Variants in ARHGEF6 observed in about 807,000 individuals in gnomAD.
ARHGEF6 encodes the protein Rac/Cdc42 guanine nucleotide exchange factor 6.
In ARHGEF6, 9 loss-of-function variants were observed where a neutral mutation model predicts 70.3. That is an observed-to-expected ratio of 0.13 (90% CI 0.08 to 0.22). The LOEUF is 0.22. Among genes scored for constraint, ARHGEF6 ranks in the 10% least tolerant of loss-of-function variants. The pLI, the probability that ARHGEF6 is intolerant of heterozygous loss-of-function variation, is 1.00. For synonymous variants in ARHGEF6, 201 were observed against 207.8 expected (o/e 0.97, Z 0.28); for missense variants, 470 against 563.0 (o/e 0.83, Z 1.67).
chrX:136,768,298 A>G, intron 2 of ARHGEF6: 1 of 112,818 alleles, frequency 8.9e-6, no homozygotes, highest in Middle Eastern at 4.6e-3. Flanking sequence ...TTTTACAGAA[A>G]TACGATGCAA....
chrX:136,716,808 T>C (rs1309591025), intron 6 of ARHGEF6, among the ~76,000 whole-genome samples: 3 of 112,197 alleles, frequency 2.7e-5, no homozygotes, highest in African/African-American at 9.7e-5. Context: ...TTAAAAACAC[T>C]GTAACAGAAA....
At chrX:136,687,231 C>G (rs1473702448) in intron 11 of ARHGEF6, among the ~76,000 whole-genome samples, 1 of 111,824 alleles carries the variant, frequency 8.9e-6, no homozygotes, top group Admixed American at 9.5e-5. Context: ...ACTACAGACA[C>G]GTCAATTACT....
Position 136,675,099 on chromosome X carries a change from G to A in ARHGEF6, c.1946-3C>T, listed in dbSNP as rs755657383. The A allele has an allele frequency of 1.2e-5, 14 of 1,202,248 alleles. No individual in the cohort carries two copies. Among genetic ancestry groups the A allele is most frequent in the South Asian group, 1.8e-5 (1 of 56,554 alleles). On this transcript the variant is annotated splice_polypyrimidine_tract_variant and splice_region_variant and intron_variant, in intron 18 of 21. Coordinates refer to ENST00000250617, the MANE Select transcript of ARHGEF6 (RefSeq NM_004840.3). The stretch of plus-strand genomic sequence containing the variant: ...ATCCTCTTCCAGAGCAGCTGTACCT[G>A]TGAAATTTAATTCATCATGACTTTT...
chrX:136,677,574 T>C, intron 17 of ARHGEF6, among the ~76,000 whole-genome samples: 1 of 111,719 alleles, frequency 9.0e-6, no homozygotes. Context: ...ATATTAATTA[T>C]TAATAGTACC....
intron 2 of ARHGEF6, among the ~76,000 whole-genome samples, chrX:136,760,534 C>T (rs142992086): frequency 2.0e-3 from 231 of 112,753 alleles, no homozygotes; most frequent in African/African-American, 7.3e-3. Flanking sequence ...AGATAATTTA[C>T]ATCTCCAGTC....
chrX:136,747,366 A>T, intron 3 of ARHGEF6, 142 bp downstream of exon 3: 1 of 520,356 alleles, frequency 1.9e-6, no homozygotes, highest in Non-Finnish European at 3.4e-6. Flanking sequence ...AGCATTTGAC[A>T]TTTGTTGGGG....
At position 136,685,829 on chromosome X, in the gene ARHGEF6, G is replaced by A. The variant is rs371417746; in HGVS notation, c.1246-6C>T. On this transcript the variant is annotated splice_region_variant and splice_polypyrimidine_tract_variant and intron_variant, in intron 11 of 21. Coordinates refer to ENST00000250617, the MANE Select transcript of ARHGEF6 (RefSeq NM_004840.3). ...CTCAGATCTTGACATTGCCCCTACAGAACCAAAGCAGAACATAATGGAATA... is the reference window on the plus strand; with the variant it reads ...CTCAGATCTTGACATTGCCCCTACAAAACCAAAGCAGAACATAATGGAATA... 2.4e-5 allele frequency: 29 copies of A among 1,207,507 alleles called. No individual in the cohort carries two copies. In the African/African-American group the frequency reaches 4.2e-4, roughly 18 times the overall value.
intron 5 of ARHGEF6, among the ~76,000 whole-genome samples, chrX:136,739,731 T>C (rs1233570385): frequency 9.0e-6 from 1 of 111,420 alleles, no homozygotes; most frequent in African/African-American, 3.3e-5. Flanking sequence ...TCCTGTGAAG[T>C]AGGCAAGTGA....
chrX:136,732,612 T>C (rs1022749264), intron 5 of ARHGEF6, among the ~76,000 whole-genome samples: 5 of 112,491 alleles, frequency 4.4e-5, no homozygotes, highest in Non-Finnish European at 9.4e-5. Context: ...TCATACTTTA[T>C]TTTGATATTT....
At chrX:136,725,571 T>C (rs1191160924) in intron 6 of ARHGEF6, among the ~76,000 whole-genome samples, 2 of 111,386 alleles carry the variant, frequency 1.8e-5, no homozygotes, top group Non-Finnish European at 1.9e-5. Flanking sequence ...GGGCATCTAA[T>C]GTAAAAGGAT....
Position 136,738,800 on chromosome X carries a change from T to C in ARHGEF6, c.661+4785A>G, listed in dbSNP as rs1297376904. Reference sequence around the variant, plus strand: ...TGGACCTCTAGACTTGGTATTGTTCTCATCTGTTCCCTTATCCTCAAAACT... The same window carrying C: ...TGGACCTCTAGACTTGGTATTGTTCCCATCTGTTCCCTTATCCTCAAAACT... On this transcript the variant is annotated intron_variant, in intron 5 of 21. Coordinates refer to ENST00000250617, the MANE Select transcript of ARHGEF6 (RefSeq NM_004840.3). Among the ~76,000 whole-genome samples the C allele has an allele frequency of 7.1e-5, 8 of 112,476 alleles. No individual in the cohort carries two copies. The Admixed American group carries it at 7.5e-4, about 11-fold the overall frequency.
chrX:136,723,571 C>A (rs1283074099), intron 6 of ARHGEF6, among the ~76,000 whole-genome samples: 1 of 111,847 alleles, frequency 8.9e-6, no homozygotes, highest in Non-Finnish European at 1.9e-5. Flanking sequence ...TTCAACAGTA[C>A]TATATTTTAT....
chrX:136,711,557 T>C (rs1289357829), intron 7 of ARHGEF6, among the ~76,000 whole-genome samples: 3 of 111,595 alleles, frequency 2.7e-5, no homozygotes, highest in Admixed American at 9.5e-5. Flanking sequence ...CTTTGTTTTT[T>C]GTTTTGTTTT....
chrX:136,675,598 C>T (rs758643912), intron 18 of ARHGEF6, among the ~76,000 whole-genome samples: 1 of 110,382 alleles, frequency 9.1e-6, no homozygotes, highest in African/African-American at 3.3e-5. Context: ...TCACTGCAAG[C>T]TCCGCCTCCC....
chrX:136,775,030 T>C (rs1157755208), intron 2 of ARHGEF6, among the ~76,000 whole-genome samples: 2 of 111,800 alleles, frequency 1.8e-5, no homozygotes, highest in Non-Finnish European at 3.8e-5. Context: ...ATATCTACCA[T>C]GCAGAGAATA....
At chrX:136,727,966 C>T in intron 6 of ARHGEF6, among the ~76,000 whole-genome samples, 1 of 111,422 alleles carries the variant, frequency 9.0e-6, no homozygotes, top group South Asian at 3.8e-4. Flanking sequence ...TCATGTTTGA[C>T]CTGCCCTCCC....
chrX:136,727,323 C>CTT (rs541833198), intron 6 of ARHGEF6, among the ~76,000 whole-genome samples: 1 of 75,657 alleles, frequency 1.3e-5, no homozygotes, highest in Non-Finnish European at 2.4e-5. Flanking sequence ...TTCTTTCTTT[C>CTT]TTTTTCTTTC....
intron 2 of ARHGEF6, among the ~76,000 whole-genome samples, chrX:136,766,268 A>G (rs1176027261): frequency 9.4e-6 from 1 of 105,873 alleles, no homozygotes; most frequent in Non-Finnish European, 1.9e-5. Flanking sequence ...CAAGGACACT[A>G]TGAGTTTTCC....
rs1228890268 is a variant in ARHGEF6 at position 136,690,676 on chromosome X, G to C, written c.1119C>G (p.Leu373=). Residue 373 remains leucine, a synonymous_variant, in exon 10 of 22, where the codon CTC becomes CTG. Coordinates refer to ENST00000250617, the MANE Select transcript of ARHGEF6 (RefSeq NM_004840.3). ...SPGILILTTN[L]SKPFMRLEKY... The stretch of plus-strand genomic sequence containing the variant: ...TCTCCAGTCGCATGAATGGTTTGCT[G>C]AGGTTTGTTGTTAAAATGAGGATAC... 8.3e-7 allele frequency: 1 copy of C among 1,210,588 alleles called. No homozygotes were observed.
Sources: gnomAD v4.1 joint callset for allele counts (sites outside exome capture counted in the v4.1 genomes callset) on GRCh38, gnomAD v4.1.1 for gene constraint, MANE v1.5 for transcripts, NCBI Gene and HGNC (gene_info 2026-07-23, HGNC 2026-07-21) for gene names.